THAP4: variants seen among roughly 807,000 people sequenced by gnomAD.
THAP4 encodes THAP domain containing 4.
In THAP4, 18 loss-of-function variants were observed where a neutral mutation model predicts 48.1. The ratio of observed to expected loss-of-function variants is 0.37; its 90% CI spans 0.26 to 0.56. The LOEUF (loss-of-function observed/expected upper bound fraction) is 0.56. Ranked by LOEUF, THAP4 falls within the 20% of genes least tolerant of loss-of-function variation. The probability of loss-of-function intolerance (pLI) is 0.78; values close to 1 mark genes in which losing one functional copy is unlikely to be tolerated. For missense variants in THAP4, 656 were observed against 774.9 expected (o/e 0.85, Z 1.82); for synonymous variants, 345 against 324.9 (o/e 1.06, Z -0.66).
In THAP4 at chr2:241,632,928, G is replaced by A. The variant is rs753814166; in HGVS notation, c.1229C>T (p.Ser410Leu). 5.0e-6 allele frequency: 8 copies of A among 1,600,196 alleles called. No homozygotes were observed. Among genetic ancestry groups the A allele is most frequent in the African/African-American group, 2.7e-5 (2 of 74,444 alleles). ...VSVPYPSSLLSPSREPPKMNP... is the reference protein window; with the variant it reads ...VSVPYPSSLLLPSREPPKMNP... ...GCTCCGGTACTGACCGCGGCTGGGC[G>A]ACAGCAGGCTACTTGGATAGGGGAC... Residue 410 changes from serine (S) to leucine (L), a missense_variant, in exon 2 of 6, where the codon TCG (serine) becomes TTG (leucine). Physicochemically the swap from Ser to Leu is moderately radical, Grantham distance 145. Coordinates refer to ENST00000407315, the MANE Select transcript of THAP4 (RefSeq NM_015963.6).
In THAP4 at chr2:241,628,524, T is replaced by G. The variant is rs1346390636; in HGVS notation, c.1240+4393A>C. 3.3e-5 allele frequency among the ~76,000 whole-genome samples: 5 copies of G among 152,058 alleles called. No individual in the cohort carries two copies. In the East Asian group the frequency reaches 9.7e-4, roughly 29 times the overall value. On this transcript the variant is annotated intron_variant, in intron 2 of 5. Transcript: ENST00000407315. ...CCCTGTAGCTGGCCTGCTGATCTTT[T>G]GCCTCTCAACCCCCTGAACCCAGCC...
intron 2 of THAP4, among the ~76,000 whole-genome samples, chr2:241,620,419 G>A (rs1342656889): frequency 7.7e-6 from 1 of 130,138 alleles, no homozygotes; most frequent in Non-Finnish European, 1.6e-5. Flanking sequence ...GAGTCGGTGA[G>A]TGAGGGGTGA....
chr2:241,613,446 AGTG>A (rs1412852716), intron 2 of THAP4, among the ~76,000 whole-genome samples: 2 of 152,196 alleles, frequency 1.3e-5, no homozygotes, highest in Non-Finnish European at 2.9e-5. Flanking sequence ...ATGAAGTAGC[AGTG>A]GAAGATTTCA....
At chr2:241,621,776 G>A (rs1021219109) in intron 2 of THAP4, among the ~76,000 whole-genome samples, 3 of 151,998 alleles carry the variant, frequency 2.0e-5, no homozygotes, top group Admixed American at 2.0e-4. Context: ...GATCCAGGAA[G>A]CTCGGAAAAC....
intron 2 of THAP4, among the ~76,000 whole-genome samples, chr2:241,622,946 G>A (rs548441657): frequency 1.4e-4 from 21 of 152,232 alleles, no homozygotes; most frequent in African/African-American, 3.4e-4. Context: ...GGCCAGGCAC[G>A]GTGGCTCACG....
chr2:241,618,023 T>G (rs902663453), intron 2 of THAP4, among the ~76,000 whole-genome samples: 3 of 152,234 alleles, frequency 2.0e-5, no homozygotes, highest in African/African-American at 4.8e-5. Flanking sequence ...CGTTGTTTCC[T>G]GCCAAGGCAC....
intron 2 of THAP4, among the ~76,000 whole-genome samples, chr2:241,629,173 TA>T (rs2067528989): frequency 6.6e-6 from 1 of 152,002 alleles, no homozygotes; most frequent in Non-Finnish European, 1.5e-5. Context: ...TGTTTGTTTT[TA>T]AAACTGAAAG....
At chr2:241,597,985 A>C (rs947349088) in intron 5 of THAP4, among the ~76,000 whole-genome samples, 13 of 152,120 alleles carry the variant, frequency 8.5e-5, no homozygotes, top group Admixed American at 1.3e-4. Flanking sequence ...AAACAAAAAA[A>C]AAAAAACAAA....
rs1347542365 is a variant in THAP4 at position 241,612,970 on chromosome 2, GGGT to G, written c.1241-6500_1241-6498del. Among the ~76,000 whole-genome samples the G allele has an allele frequency of 1.3e-5, 2 of 152,178 alleles. No homozygotes were observed. The highest frequency in any genetic ancestry group is 2.9e-5 in the Non-Finnish European group (2 of 68,038). On this transcript the variant is annotated intron_variant, in intron 2 of 5. Transcript: ENST00000407315. The surrounding 1 kb of genome is among the most constrained non-coding windows in gnomAD (Gnocchi z 4.1). ...AAATAATTCAATAATCTTATAGTAT[GGGT>G]GGTTGCCTGTTGAAATAATTTTTAG...
In THAP4 at chr2:241,601,942, T is replaced by A; in HGVS notation, c.1568A>T (p.His523Leu). ...GGCGAAGGAGATCCTGGCGATGGAG[T>A]GGGATGCGATGCACAGCTCCTGCCC... The part of the protein sequence containing the change: ...VNGQELCIAS[H>L]SIARISFAKE... The change falls in exon 5 of 6, where the codon CAC becomes CTC. Residue 523 changes from histidine to leucine, a missense_variant. His to Leu is a moderately conservative substitution (Grantham distance 99). Around this residue, in one of 4 missense-constraint regions of THAP4, gnomAD observed 176 missense variants for 256.7 expected, o/e 0.69. Coordinates refer to ENST00000407315, the MANE Select transcript of THAP4 (RefSeq NM_015963.6). This position sits in a 1 kb window ranked among gnomAD's most constrained non-coding sequence, Gnocchi z 4.0. 1 of 1,612,926 alleles carries A rather than the reference T, an allele frequency of 6.2e-7. No homozygotes were observed.
At position 241,584,528 on chromosome 2, in the gene THAP4, G is replaced by A. The variant is rs142128391; in HGVS notation, c.*78C>T. 5,378 of 1,532,188 alleles carry A rather than the reference G, an allele frequency of 3.5e-3. 221 individuals carry two copies. The Admixed American group carries it at 0.074, about 21-fold the overall frequency. The allele number at this position is 1,532,188 out of a possible 1,614,324, so 94.9% of individuals were successfully genotyped here. Reference sequence around the variant, plus strand: ...GCTCACGGCCACACCCACTTCTGCCGCAGGGACTGTCTGTTGAGGAGCCGA... The same window carrying A: ...GCTCACGGCCACACCCACTTCTGCCACAGGGACTGTCTGTTGAGGAGCCGA... On this transcript the variant is annotated 3_prime_UTR_variant, in exon 6 of 6. Transcript: ENST00000407315.
intron 2 of THAP4, among the ~76,000 whole-genome samples, chr2:241,627,003 C>T (rs1038652758): frequency 3.3e-5 from 5 of 152,218 alleles, no homozygotes; most frequent in African/African-American, 1.2e-4. Context: ...GTCTGCACTT[C>T]TCCAAACTCT....
At chr2:241,602,736 G>A (rs563589863) in intron 4 of THAP4, among the ~76,000 whole-genome samples, 64 of 152,316 alleles carry the variant, frequency 4.2e-4, no homozygotes, top group Non-Finnish European at 4.3e-4. Context: ...CTGGGTAAAC[G>A]GGCCCTCATG....
chr2:241,618,623 G>A (rs2067375770), intron 2 of THAP4, among the ~76,000 whole-genome samples: 2 of 152,198 alleles, frequency 1.3e-5, no homozygotes, highest in African/African-American at 2.4e-5. Context: ...GGTCACAGAT[G>A]TCTCTCCTGC....
chr2:241,585,402 G>T (rs2066881479), intron 5 of THAP4, among the ~76,000 whole-genome samples: 1 of 149,890 alleles, frequency 6.7e-6, no homozygotes, highest in Admixed American at 6.7e-5. Context: ...GGGGTCATGT[G>T]GGGTGGGGGG....
In THAP4 at chr2:241,610,617, C is replaced by A. The variant is rs2067258104; in HGVS notation, c.1241-4144G>T. On this transcript the variant is annotated intron_variant, in intron 2 of 5. Coordinates refer to ENST00000407315, the MANE Select transcript of THAP4 (RefSeq NM_015963.6). This position sits in a 1 kb window ranked among gnomAD's most constrained non-coding sequence, Gnocchi z 4.2. The stretch of plus-strand genomic sequence containing the variant: ...CCTGCTTCCCCAGCCACGGGGTCTT[C>A]TCCCGGCCCCTCATCTACTTGGCAG... Among the ~76,000 whole-genome samples, 1 of 151,974 alleles carries A rather than the reference C, an allele frequency of 6.6e-6. No homozygotes were observed.
chr2:241,605,183 A>T (rs189097297), intron 3 of THAP4, among the ~76,000 whole-genome samples: 2 of 152,278 alleles, frequency 1.3e-5, no homozygotes, highest in Admixed American at 1.3e-4. Context: ...TCATGCATTC[A>T]ATCAATAATA....
At chr2:241,618,264 A>C (rs555603190) in intron 2 of THAP4, among the ~76,000 whole-genome samples, 1 of 152,376 alleles carries the variant, frequency 6.6e-6, no homozygotes, top group African/African-American at 2.4e-5. Context: ...GAAAAACAGA[A>C]ATCATGATGG....
chr2:241,610,525 C>T lies in THAP4; in HGVS notation c.1241-4052G>A, dbSNP rs1338829959. Among the ~76,000 whole-genome samples the T allele has an allele frequency of 6.6e-6, 1 of 152,198 alleles. No individual in the cohort carries two copies. The highest frequency in any genetic ancestry group is 1.9e-4 in the East Asian group (1 of 5,168). Reference sequence around the variant, plus strand: ...GCTCCAGCAAGAGCAGAGGCGGGAGCCTCGCCAGCCCCTCCACAGACCACA... The same window carrying T: ...GCTCCAGCAAGAGCAGAGGCGGGAGTCTCGCCAGCCCCTCCACAGACCACA... On this transcript the variant is annotated intron_variant, in intron 2 of 5. Transcript: ENST00000407315. The surrounding 1 kb of genome is among the most constrained non-coding windows in gnomAD (Gnocchi z 4.2).
Sources: gnomAD v4.1 joint callset for allele counts (sites outside exome capture counted in the v4.1 genomes callset) on GRCh38, gnomAD v4.1.1 for gene constraint, gnomAD v4.1.1 regional missense constraint, Gnocchi (gnomAD v3.1) non-coding constraint, MANE v1.5 for transcripts, NCBI Gene and HGNC (gene_info 2026-07-23, HGNC 2026-07-21) for gene names.